Variants in GRIK4 observed in about 807,000 individuals in gnomAD.
The protein encoded by GRIK4 is glutamate receptor ionotropic, kainate 4.
A neutral mutation model predicts 104.9 loss-of-function variants in GRIK4; 40 were observed. That is an observed-to-expected ratio of 0.38 (90% CI 0.30 to 0.50). The LOEUF is 0.50. Ranked by LOEUF, GRIK4 falls within the 20% of genes least tolerant of loss-of-function variation. The pLI is 0.93. For missense variants in GRIK4, 1,047 were observed against 1,308.1 expected (o/e 0.80, Z 3.08); for synonymous variants, 485 against 524.9 (o/e 0.92, Z 1.04).
intron 13 of GRIK4, among the ~76,000 whole-genome samples, chr11:120,938,134 T>C (rs574395974): frequency 6.2e-4 from 95 of 152,154 alleles, no homozygotes; most frequent in Non-Finnish European, 1.3e-3. Flanking sequence ...GGCTACCAAT[T>C]TGGTTCATTT....
chr11:120,824,433 G>A (rs1322841837), intron 6 of GRIK4, among the ~76,000 whole-genome samples: 7 of 152,146 alleles, frequency 4.6e-5, no homozygotes, highest in Admixed American at 3.9e-4. Flanking sequence ...GCCCTGCCGC[G>A]GATCTACCTG....
intron 1 of GRIK4, among the ~76,000 whole-genome samples, chr11:120,517,793 A>G (rs1947749211): frequency 1.3e-5 from 2 of 152,230 alleles, no homozygotes; most frequent in East Asian, 1.9e-4. Flanking sequence ...GGCCCCTAGC[A>G]CAGAGGAGTC....
chr11:120,798,237 C>T (rs1011684507), intron 3 of GRIK4, among the ~76,000 whole-genome samples: 5 of 132,354 alleles, frequency 3.8e-5, no homozygotes, highest in Non-Finnish European at 7.7e-5. Flanking sequence ...GGCACAATCT[C>T]GGCTCACTGC....
intron 7 of GRIK4, among the ~76,000 whole-genome samples, chr11:120,833,009 G>A (rs1953470961): frequency 6.6e-6 from 1 of 152,072 alleles, no homozygotes; most frequent in Non-Finnish European, 1.5e-5. Context: ...TCCACTGGGG[G>A]AGCGAGGCTC....
At chr11:120,709,829 C>T (rs1460441135) in intron 3 of GRIK4, among the ~76,000 whole-genome samples, 4 of 152,094 alleles carry the variant, frequency 2.6e-5, no homozygotes, top group Admixed American at 2.6e-4. Flanking sequence ...AAGACAGAGT[C>T]CTGGACAAGG....
intron 3 of GRIK4, among the ~76,000 whole-genome samples, chr11:120,705,678 AT>A (rs1278274896): frequency 6.6e-6 from 1 of 152,186 alleles, no homozygotes; most frequent in East Asian, 1.9e-4. Context: ...GTCGTCTTTA[AT>A]TTCTTTCAGC....
At chr11:120,972,867 T>G (rs1481927118) in intron 19 of GRIK4, among the ~76,000 whole-genome samples, 1 of 152,084 alleles carries the variant, frequency 6.6e-6, no homozygotes, top group Non-Finnish European at 1.5e-5. Context: ...ATATGTGCCA[T>G]GCCTTAGTGA....
At chr11:120,648,161 C>T (rs4935747) in intron 1 of GRIK4, among the ~76,000 whole-genome samples, 1 of 151,772 alleles carries the variant, frequency 6.6e-6, no homozygotes, top group Non-Finnish European at 1.5e-5. Flanking sequence ...GACTATAGAC[C>T]AGAGGGGGCT....
At position 120,772,638 on chromosome 11, in the gene GRIK4, T is replaced by C. The variant is rs1951968615; in HGVS notation, c.83-30055T>C. Among the ~76,000 whole-genome samples the C allele has an allele frequency of 1.3e-5, 2 of 151,950 alleles. 1 individual carries two copies. The highest frequency in any genetic ancestry group is 4.2e-4 in the South Asian group (2 of 4,806). On this transcript the variant is annotated intron_variant, in intron 3 of 20. Coordinates refer to ENST00000527524, the MANE Select transcript of GRIK4 (RefSeq NM_014619.5). ...CTGGTAGGTGAGAACAGGTGGTGTA[T>C]GTGCGCGCGTGTGTGTGTGTTACAT...
intron 13 of GRIK4, among the ~76,000 whole-genome samples, chr11:120,914,546 G>T (rs1272529946): frequency 6.6e-6 from 1 of 152,146 alleles, no homozygotes; most frequent in Non-Finnish European, 1.5e-5. Flanking sequence ...AAGAAGGATC[G>T]CCTTGGCAGA....
At chr11:120,604,044 C>T (rs1347561848) in intron 1 of GRIK4, among the ~76,000 whole-genome samples, 1 of 152,084 alleles carries the variant, frequency 6.6e-6, no homozygotes, top group East Asian at 1.9e-4. Context: ...TGGTGGCGGG[C>T]ACCTGTAGCC....
intron 1 of GRIK4, among the ~76,000 whole-genome samples, chr11:120,575,458 C>T (rs141225728): frequency 6.6e-6 from 1 of 152,262 alleles, no homozygotes; most frequent in East Asian, 1.9e-4. Flanking sequence ...TCCAGGCCTC[C>T]TCCACCCCAC....
intron 3 of GRIK4, among the ~76,000 whole-genome samples, chr11:120,771,227 T>G (rs1322635483): frequency 2.6e-5 from 4 of 152,016 alleles, no homozygotes; most frequent in Non-Finnish European, 5.9e-5. Context: ...GGTCATGAAC[T>G]GAATGTTGGT....
chr11:120,849,232 T>C (rs1953922704), intron 8 of GRIK4, among the ~76,000 whole-genome samples: 1 of 152,062 alleles, frequency 6.6e-6, no homozygotes, highest in African/African-American at 2.4e-5. Flanking sequence ...ACTGTGCATA[T>C]AAAATACATC....
At chr11:120,565,637 G>C (rs1948311753) in intron 1 of GRIK4, among the ~76,000 whole-genome samples, 1 of 152,196 alleles carries the variant, frequency 6.6e-6, no homozygotes, top group South Asian at 2.1e-4. Flanking sequence ...AAGGACGACA[G>C]GTAGGAGAAG....
chr11:120,742,205 G>A (rs749117734), intron 3 of GRIK4, among the ~76,000 whole-genome samples: 16 of 152,108 alleles, frequency 1.1e-4, no homozygotes, highest in Non-Finnish European at 1.8e-4. Context: ...AGTTAGCCGG[G>A]CATGTTGGTG....
chr11:120,643,253 G>A lies in GRIK4; in HGVS notation c.-158-10432G>A, dbSNP rs574115911. Reference sequence around the variant, plus strand: ...ATGGAAAAAAGAAAAAAATAAAGCAGGGTAGCAAGGATGAAAGCCCCCTGA... The same window carrying A: ...ATGGAAAAAAGAAAAAAATAAAGCAAGGTAGCAAGGATGAAAGCCCCCTGA... On this transcript the variant is annotated intron_variant, in intron 1 of 20. Coordinates refer to ENST00000527524, the MANE Select transcript of GRIK4 (RefSeq NM_014619.5). 2.5e-4 allele frequency among the ~76,000 whole-genome samples: 38 copies of A among 152,332 alleles called. No individual in the cohort carries two copies. The South Asian group carries it at 7.5e-3, about 30-fold the overall frequency.
chr11:120,957,591 A>ATTGTGTGTG (rs553062830), intron 16 of GRIK4, among the ~76,000 whole-genome samples: 57 of 136,530 alleles, frequency 4.2e-4, no homozygotes, highest in African/African-American at 1.6e-3. Flanking sequence ...GACAAAACAA[A>ATTGTGTGTG]TGTGTGTGTG....
intron 10 of GRIK4, among the ~76,000 whole-genome samples, 191 bp downstream of exon 10, chr11:120,874,409 A>G (rs907716297): frequency 3.3e-5 from 5 of 152,220 alleles, no homozygotes; most frequent in African/African-American, 1.2e-4. Context: ...CTAAACCCCA[A>G]TAACCACTGA....
Sources: allele counts gnomAD v4.1 joint callset (sites outside exome capture counted in the v4.1 genomes callset), GRCh38; gene constraint gnomAD v4.1.1; transcripts MANE v1.5; gene names NCBI Gene and HGNC (gene_info 2026-07-23, HGNC 2026-07-21).